The following UNC13A variants were observed in gnomAD, a reference collection of about 807,000 sequenced individuals.
The protein encoded by UNC13A is protein unc-13 homolog A.
UNC13A carries 61 observed loss-of-function variants against 219.7 expected under a neutral mutation model. The ratio of observed to expected loss-of-function variants is 0.28; its 90% CI spans 0.23 to 0.34. The LOEUF is 0.34. UNC13A is among the 10% of genes least tolerant of loss of function. The pLI, the probability that UNC13A is intolerant of heterozygous loss-of-function variation, is 1.00. For missense variants in UNC13A, 1,476 were observed against 2,270.3 expected, an observed-to-expected ratio of 0.65 and a Z score of 7.11; for synonymous variants, 920 against 884.6, an observed-to-expected ratio of 1.04 and a Z score of -0.71.
intron 17 of UNC13A, 113 bp downstream of exon 17, chr19:17,647,152 C>T (rs1296795925): frequency 3.9e-6 from 4 of 1,017,808 alleles, no homozygotes; most frequent in East Asian, 2.6e-5. Flanking sequence ...GGAATGCACC[C>T]GACCGAGTGA....
chr19:17,618,302 A>G, intron 40 of UNC13A, 119 bp downstream of exon 40: 6 of 1,097,496 alleles, frequency 5.5e-6, no homozygotes, highest in Non-Finnish European at 8.0e-6. Context: ...CAGGGGAACG[A>G]GGGAGTGTCC....
At position 17,626,756 on chromosome 19, in the gene UNC13A, T is replaced by C. The variant is rs868031953; in HGVS notation, c.3950A>G (p.Lys1317Arg). The change falls in exon 34 of 44, where the codon AAA becomes AGA. Residue 1317 changes from lysine (K) to arginine (R), a missense_variant. Physicochemically the swap from Lys to Arg is conservative, Grantham distance 26. Around this residue, in one of 14 missense-constraint regions of UNC13A, gnomAD observed 218 missense variants for 409.4 expected, o/e 0.53. Transcript: ENST00000519716. ...SFQPHIEECV[K>R]QMGDILSQVK... is the part of the protein sequence containing the mutation. ...CTGGCTAAGGATGTCACCCATCTGT[T>C]TGACACACTCTTCAATGTGCGGCTG... 4.3e-6 allele frequency: 7 copies of C among 1,612,556 alleles called. No homozygotes were observed. Among genetic ancestry groups the C allele is most frequent in the Middle Eastern group, 3.3e-4 (2 of 6,060 alleles).
chr19:17,646,138 G>C, intron 17 of UNC13A, 27 bp from the exon 18 acceptor site: 1 of 1,612,008 alleles, frequency 6.2e-7, no homozygotes, highest in Admixed American at 1.7e-5. Context: ...GCATACACAG[G>C]TGTGCACTCA....
intron 6 of UNC13A, among the ~76,000 whole-genome samples, chr19:17,667,865 C>T (rs1386292867): frequency 6.6e-6 from 1 of 151,036 alleles, no homozygotes; most frequent in African/African-American, 2.4e-5. Flanking sequence ...AGGTGATCTG[C>T]CCACCTTCGC....
chr19:17,672,743 G>A (rs563660876), intron 3 of UNC13A, among the ~76,000 whole-genome samples: 2 of 152,244 alleles, frequency 1.3e-5, no homozygotes, highest in African/African-American at 4.8e-5. Context: ...ATGGCGTGGG[G>A]ACAGATGTTA....
chr19:17,616,848 C>T lies in UNC13A; in HGVS notation c.4558+854G>A, dbSNP rs200302218. On this transcript the variant is annotated intron_variant, in intron 41 of 43. Coordinates refer to ENST00000519716, the MANE Select transcript of UNC13A (RefSeq NM_001080421.3). ...GTGTCGATGGCGATTCTCCCTCCCC[C>T]TCCTGAGTTCAAGCCGCCAAACTTC... Among the ~76,000 whole-genome samples the T allele has an allele frequency of 2.0e-5, 3 of 152,168 alleles. No individual in the cohort carries two copies. In the East Asian group the frequency reaches 5.8e-4, roughly 29 times the overall value.
Position 17,677,538 on chromosome 19 carries a change from AT to A in UNC13A, c.23-1498del, listed in dbSNP as rs1474004128. Among the ~76,000 whole-genome samples, 4 of 151,670 alleles carry A rather than the reference AT, an allele frequency of 2.6e-5. No individual in the cohort carries two copies. In the East Asian group the frequency reaches 7.8e-4, roughly 29 times the overall value. On this transcript the variant is annotated intron_variant, in intron 1 of 43. Transcript: ENST00000519716. ...GCCACCATGCCCAGCTAATTTTTGTATTTTTTAGTAGAGACAGGGTTTCAGT... is the reference window on the plus strand; with the variant it reads ...GCCACCATGCCCAGCTAATTTTTGTATTTTTAGTAGAGACAGGGTTTCAGT...
At chr19:17,678,916 G>A (rs1176144792) in intron 1 of UNC13A, among the ~76,000 whole-genome samples, 2 of 152,102 alleles carry the variant, frequency 1.3e-5, no homozygotes, top group Admixed American at 1.3e-4. Flanking sequence ...GGGCATGAAA[G>A]CAAGAGAGGA....
At position 17,620,193 on chromosome 19, in the gene UNC13A, T is replaced by C. The variant is rs188818697; in HGVS notation, c.4272+500A>G. Among the ~76,000 whole-genome samples the C allele has an allele frequency of 3.9e-5, 6 of 152,128 alleles. No homozygotes were observed. In the East Asian group the frequency reaches 7.7e-4, roughly 20 times the overall value. On this transcript the variant is annotated intron_variant, in intron 38 of 43. Coordinates refer to ENST00000519716, the MANE Select transcript of UNC13A (RefSeq NM_001080421.3). ...TTGGGGGACAGGGTGGGGCTGAGTA[T>C]TGAGGTAACAAGTCTTGTCTTACTG...
rs1018853471 is a variant in UNC13A at position 17,627,962 on chromosome 19, G to A, written c.3754-22C>T. ...AGGGCTGTGGGTGGGAACAGAGAGG[G>A]GAGTCAAGCCTCAGGACCTCTCCCC... On this transcript the variant is annotated intron_variant, in intron 31 of 43. Transcript: ENST00000519716. The surrounding 1 kb of genome is among the most constrained non-coding windows in gnomAD (Gnocchi z 4.7). The A allele has an allele frequency of 1.9e-6, 3 of 1,575,030 alleles. No homozygotes were observed. In the African/African-American group the frequency reaches 4.0e-5, roughly 21 times the overall value.
At chr19:17,615,771 T>G (rs951656175) in intron 41 of UNC13A, among the ~76,000 whole-genome samples, 1 of 151,930 alleles carries the variant, frequency 6.6e-6, no homozygotes, top group Non-Finnish European at 1.5e-5. Flanking sequence ...AAGTATTCAC[T>G]GAGATCAGCC....
chr19:17,615,097 C>G (rs879383562), intron 41 of UNC13A, among the ~76,000 whole-genome samples: 1 of 152,212 alleles, frequency 6.6e-6, no homozygotes, highest in Non-Finnish European at 1.5e-5. Flanking sequence ...GGGGAAGGTT[C>G]CTCGGACAAG....
At chr19:17,669,393 T>C (rs566795160) in intron 5 of UNC13A, among the ~76,000 whole-genome samples, 160 bp downstream of exon 5, 2 of 152,292 alleles carry the variant, frequency 1.3e-5, no homozygotes, top group East Asian at 3.9e-4. Context: ...CCCTGTTCTC[T>C]GCAACCCAAG....
intron 4 of UNC13A, among the ~76,000 whole-genome samples, chr19:17,671,308 G>C (rs557888671): frequency 1.3e-5 from 2 of 152,256 alleles, no homozygotes; most frequent in South Asian, 4.1e-4. Flanking sequence ...GTTAGAGTGT[G>C]GGGGGAGATG....
At position 17,605,028 on chromosome 19, in the gene UNC13A, T is replaced by C. The variant is rs1443419664; in HGVS notation, c.*1026A>G. On this transcript the variant is annotated 3_prime_UTR_variant, in exon 44 of 44. Coordinates refer to ENST00000519716, the MANE Select transcript of UNC13A (RefSeq NM_001080421.3). Reference sequence around the variant, plus strand: ...TTTGTGGTGGGAGGCCCTCATGGCATCCCCCATGGAGATCCCAGGAGAAAG... The same window carrying C: ...TTTGTGGTGGGAGGCCCTCATGGCACCCCCCATGGAGATCCCAGGAGAAAG... The C allele has an allele frequency of 2.0e-5, 3 of 152,524 alleles. No individual in the cohort carries two copies. The highest frequency in any genetic ancestry group is 4.4e-5 in the Non-Finnish European group (3 of 68,012). 9.4% of individuals were successfully genotyped at this position (152,524 alleles called of 1,614,324 possible). A position where few individuals can be genotyped will look rare whatever the true frequency, so the allele number is the denominator to read the frequency against.
intron 36 of UNC13A, chr19:17,623,110 G>A (rs2076746113): frequency 5.6e-6 from 1 of 179,840 alleles, no homozygotes; most frequent in Admixed American, 6.1e-5. Flanking sequence ...GACCCTCATG[G>A]TGAGGACCTG....
intron 1 of UNC13A, among the ~76,000 whole-genome samples, chr19:17,684,364 C>T (rs2080070981): frequency 6.6e-6 from 1 of 152,138 alleles, no homozygotes; most frequent in Admixed American, 6.6e-5. Flanking sequence ...TCATCTCTTT[C>T]ATTCTAACCC....
At chr19:17,639,556 T>C (rs1162717296) in intron 23 of UNC13A, 31 bp from the exon 24 acceptor site, 3 of 1,604,700 alleles carry the variant, frequency 1.9e-6, no homozygotes, top group Non-Finnish European at 1.7e-6. Context: ...TGTGGGGTTA[T>C]GGAAGAAGGC....
chr19:17,669,747 G>A lies in UNC13A; in HGVS notation c.271-71C>T, dbSNP rs957296606. On this transcript the variant is annotated intron_variant, in intron 4 of 43. Coordinates refer to ENST00000519716, the MANE Select transcript of UNC13A (RefSeq NM_001080421.3). ...ACTAGTCCCCAGGGCCCCTACTCTC[G>A]CATGAGACATCCCCCTCACCCCTAC... is the stretch of plus-strand genomic sequence containing the variant. The A allele has an allele frequency of 5.6e-5, 85 of 1,506,594 alleles. No homozygotes were observed. In the African/African-American group the frequency reaches 9.8e-4, roughly 17 times the overall value. 93.3% of individuals were successfully genotyped at this position (1,506,594 alleles called of 1,614,324 possible).
Sources: allele counts gnomAD v4.1 joint callset (sites outside exome capture counted in the v4.1 genomes callset), GRCh38; gene constraint gnomAD v4.1.1; regional missense constraint gnomAD v4.1.1; non-coding constraint Gnocchi (gnomAD v3.1); transcripts MANE v1.5; gene names NCBI Gene and HGNC (gene_info 2026-07-23, HGNC 2026-07-21).